Variants in DSCAML1 observed in about 807,000 individuals in gnomAD.
DSCAML1 encodes the protein cell adhesion molecule DSCAML1.
A neutral mutation model predicts 200.5 loss-of-function variants in DSCAML1; 38 were observed. The observed-to-expected ratio is 0.19, with a 90% CI of 0.15 to 0.25. The LOEUF is 0.25. Ranked by LOEUF, DSCAML1 falls within the 10% of genes least tolerant of loss-of-function variation. DSCAML1 has a pLI of 1.00. For missense variants in DSCAML1, 2,223 were observed against 2,858.8 expected (o/e 0.78, Z 5.07); for synonymous variants, 1,215 against 1,165.0 (o/e 1.04, Z -0.87).
At chr11:117,620,733 G>T (rs1225290693) in intron 3 of DSCAML1, among the ~76,000 whole-genome samples, 1 of 152,232 alleles carries the variant, frequency 6.6e-6, no homozygotes, top group Non-Finnish European at 1.5e-5. Context: ...TGAAGAGTCT[G>T]TGTGAAATAC....
intron 3 of DSCAML1, among the ~76,000 whole-genome samples, chr11:117,621,540 T>C (rs1002145424): frequency 1.3e-5 from 2 of 152,070 alleles, no homozygotes; most frequent in African/African-American, 4.8e-5. Context: ...GGATTCTGAG[T>C]CTCAGGAAAA....
intron 3 of DSCAML1, among the ~76,000 whole-genome samples, chr11:117,690,852 G>A (rs1044903553): frequency 6.6e-6 from 1 of 152,170 alleles, no homozygotes; most frequent in African/African-American, 2.4e-5. Flanking sequence ...AGAGTAGAGG[G>A]GCTCTGGGCT....
chr11:117,758,638 G>A (rs2054740878), intron 3 of DSCAML1, among the ~76,000 whole-genome samples: 1 of 152,120 alleles, frequency 6.6e-6, no homozygotes, highest in Non-Finnish European at 1.5e-5. Context: ...TCCTGACCTC[G>A]TGATCCGCCC....
intron 3 of DSCAML1, among the ~76,000 whole-genome samples, chr11:117,638,053 C>T (rs2052327638): frequency 6.6e-6 from 1 of 152,156 alleles, no homozygotes; most frequent in Non-Finnish European, 1.5e-5. Context: ...GTGGTTTAGG[C>T]TTTTCCCTGT....
intron 1 of DSCAML1, among the ~76,000 whole-genome samples, chr11:117,782,369 G>C (rs1034761154): frequency 1.3e-5 from 2 of 152,228 alleles, no homozygotes; most frequent in African/African-American, 4.8e-5. Context: ...GCGGTGTCAG[G>C]AGCATCCTCT....
chr11:117,761,707 C>T (rs765146648), intron 3 of DSCAML1, among the ~76,000 whole-genome samples: 1 of 152,110 alleles, frequency 6.6e-6, no homozygotes, highest in Non-Finnish European at 1.5e-5. Context: ...CCTGTCTCTA[C>T]AAAAAATTAA....
chr11:117,792,705 AT>A (rs879524725), intron 1 of DSCAML1, among the ~76,000 whole-genome samples: 16 of 152,112 alleles, frequency 1.1e-4, no homozygotes, highest in Admixed American at 1.0e-3. Flanking sequence ...AGCTCCCTGC[AT>A]TCTAGGGGTG....
chr11:117,630,799 A>G (rs2052157375), intron 3 of DSCAML1, among the ~76,000 whole-genome samples: 1 of 151,960 alleles, frequency 6.6e-6, no homozygotes, highest in South Asian at 2.1e-4. Flanking sequence ...GGACCATTTT[A>G]GATGGTGGCA....
intron 3 of DSCAML1, among the ~76,000 whole-genome samples, chr11:117,756,216 C>A (rs961058532): frequency 1.3e-5 from 2 of 152,206 alleles, no homozygotes; most frequent in Non-Finnish European, 2.9e-5. Context: ...GAAGGTCACT[C>A]AACATGGCAG....
At chr11:117,661,188 A>C (rs2052842321) in intron 3 of DSCAML1, among the ~76,000 whole-genome samples, 1 of 152,178 alleles carries the variant, frequency 6.6e-6, no homozygotes, top group Non-Finnish European at 1.5e-5. Flanking sequence ...TTGATGATCC[A>C]GGGACTCAAA....
At position 117,439,812 on chromosome 11, in the gene DSCAML1, C is replaced by A. The variant is rs749613840; in HGVS notation, c.3980+7G>T. 3 of 1,612,832 alleles carry A rather than the reference C, an allele frequency of 1.9e-6. No individual in the cohort carries two copies. The highest frequency in any genetic ancestry group is 2.5e-6 in the Non-Finnish European group (3 of 1,178,864). On this transcript the variant is annotated splice_region_variant and intron_variant, in intron 22 of 32. Coordinates refer to ENST00000651296, the MANE Select transcript of DSCAML1 (RefSeq NM_020693.4). ...CCACCCCATCCCTCCACTGTCCCGA[C>A]ACACACCTGTCCTTGGTCCACTTCA... is the stretch of plus-strand genomic sequence containing the variant.
intron 3 of DSCAML1, among the ~76,000 whole-genome samples, chr11:117,652,362 A>G (rs993241790): frequency 1.3e-5 from 2 of 152,246 alleles, no homozygotes; most frequent in African/African-American, 4.8e-5. Flanking sequence ...GAGATGGAGC[A>G]GATGACACTG....
In DSCAML1 at chr11:117,505,448, G is replaced by A. The variant is rs778315347; in HGVS notation, c.2062+6C>T. On this transcript the variant is annotated splice_donor_region_variant and intron_variant, in intron 9 of 32. Coordinates refer to ENST00000651296, the MANE Select transcript of DSCAML1 (RefSeq NM_020693.4). The surrounding 1 kb of genome is among the most constrained non-coding windows in gnomAD (Gnocchi z 6.7). ...CCTCCCCTGAGGCTGGCCTGTCCCT[G>A]CTCACCACGCACGATGAGCTGGCGC... 5 of 1,607,744 alleles carry A rather than the reference G, an allele frequency of 3.1e-6. No individual in the cohort carries two copies. The East Asian group carries it at 8.9e-5, about 29-fold the overall frequency.
At chr11:117,737,741 G>A (rs986783418) in intron 3 of DSCAML1, among the ~76,000 whole-genome samples, 4 of 152,232 alleles carry the variant, frequency 2.6e-5, no homozygotes, top group Non-Finnish European at 5.9e-5. Context: ...AGCCTTCACT[G>A]AGGAGATACA....
intron 8 of DSCAML1, among the ~76,000 whole-genome samples, chr11:117,510,967 C>T (rs1266522235): frequency 6.6e-6 from 1 of 152,168 alleles, no homozygotes; most frequent in Non-Finnish European, 1.5e-5. Context: ...CTGTGGATCC[C>T]AGTGAGGTTC....
At chr11:117,461,677 G>A (rs1481547278) in intron 17 of DSCAML1, 81 bp from the exon 18 acceptor site, 2 of 1,416,534 alleles carry the variant, frequency 1.4e-6, no homozygotes, top group Non-Finnish European at 1.9e-6. Flanking sequence ...CCCAGGCTGG[G>A]TCCCGCAGTC....
upstream of DSCAML1, chr11:117,801,397 G>C (rs896847870): frequency 6.6e-6 from 1 of 152,224 alleles, no homozygotes; most frequent in Non-Finnish European, 1.5e-5. Context: ...TAGGTGTATA[G>C]TGTGTACCCA....
chr11:117,470,038 G>A (rs1255084244), intron 15 of DSCAML1, 58 bp from the exon 16 acceptor site: 4 of 1,471,352 alleles, frequency 2.7e-6, no homozygotes, highest in Admixed American at 3.8e-5. Flanking sequence ...AGAGGAAGGG[G>A]TTCTATGTTC....
In DSCAML1 at chr11:117,487,882, G is replaced by C. The variant is rs186362779; in HGVS notation, c.2360-5720C>G. ...AAAGGGCCACAGTGGGAAGTGGCAA[G>C]CTCCCTGCATTGGAAGTAGACAACC... On this transcript the variant is annotated intron_variant, in intron 11 of 32. Coordinates refer to ENST00000651296, the MANE Select transcript of DSCAML1 (RefSeq NM_020693.4). Among the ~76,000 whole-genome samples the C allele has an allele frequency of 1.4e-4, 21 of 152,296 alleles. No homozygotes were observed. In the East Asian group the frequency reaches 3.3e-3, roughly 24 times the overall value.
Sources: gnomAD v4.1 joint callset for allele counts (sites outside exome capture counted in the v4.1 genomes callset) on GRCh38, gnomAD v4.1.1 for gene constraint, Gnocchi (gnomAD v3.1) non-coding constraint, MANE v1.5 for transcripts, NCBI Gene and HGNC (gene_info 2026-07-23, HGNC 2026-07-21) for gene names.